Variants in ALG9 observed in about 807,000 individuals in gnomAD.
ALG9 encodes alpha-1,2-mannosyltransferase ALG9.
A neutral mutation model predicts 81.8 loss-of-function variants in ALG9; 55 were observed. The observed-to-expected ratio is 0.67, with a 90% confidence interval of 0.54 to 0.84. The LOEUF is 0.84. ALG9 is among the 40% of genes least tolerant of loss of function. ALG9 has a pLI of 0.00. For synonymous variants in ALG9, 278 were observed against 274.3 expected, an observed-to-expected ratio of 1.01 and a Z score of -0.13; for missense variants, 629 against 745.0, an observed-to-expected ratio of 0.84 and a Z score of 1.81.
At chr11:111,849,548 G>A (rs1555135009) in intron 8 of ALG9, 1 of 152,204 alleles carries the variant, frequency 6.6e-6, no homozygotes, top group East Asian at 1.9e-4. Flanking sequence ...CTTGAGCCAT[G>A]GTGGTTTGCT....
the ALG9 span, among the ~76,000 whole-genome samples, chr11:111,774,069 TAAAAAAAAAAAAA>T: frequency 1.4e-5 from 1 of 69,734 alleles, no homozygotes; most frequent in Non-Finnish European, 2.6e-5. Flanking sequence ...CATATCTTAT[TAAAAAAAAAAAAA>T]AAAAAAAAAA....
rs189606273 is a variant in ALG9, at chr11:111,803,729, A to G, written c.1733+5914T>C. Among the ~76,000 whole-genome samples the G allele has an allele frequency of 2.4e-3, 369 of 152,274 alleles. 1 individual carries two copies. The highest frequency in any genetic ancestry group is 8.5e-3 in the African/African-American group (354 of 41,542). Reference sequence around the variant, plus strand: ...CAATAAAAAACAGTCTTTTCAACAAACGGTGCTGGAACAACCATGCATCCT... The same window carrying G: ...CAATAAAAAACAGTCTTTTCAACAAGCGGTGCTGGAACAACCATGCATCCT... On this transcript the variant is annotated intron_variant, in intron 14 of 14. Transcript: ENST00000616540.
downstream of ALG9, among the ~76,000 whole-genome samples, chr11:111,777,911 T>G (rs1945741677): frequency 6.6e-6 from 1 of 152,086 alleles, no homozygotes; most frequent in East Asian, 1.9e-4. Flanking sequence ...TCACGTCATT[T>G]CTCCCCAAAT....
chr11:111,787,590 G>C (rs1410982115), intron 14 of ALG9, among the ~76,000 whole-genome samples: 1 of 151,486 alleles, frequency 6.6e-6, no homozygotes, highest in Non-Finnish European at 1.5e-5. Flanking sequence ...CTGAGTAGCT[G>C]GGATTACAGG....
At chr11:111,800,616 T>A (rs1555079633) in intron 14 of ALG9, among the ~76,000 whole-genome samples, 1 of 151,804 alleles carries the variant, frequency 6.6e-6, no homozygotes, top group East Asian at 1.9e-4. Context: ...AAACTCCAGG[T>A]GTCTCCCCAC....
chr11:111,793,565 T>G lies in ALG9; in HGVS notation c.1734-7045A>C, dbSNP rs1245213892. On this transcript the variant is annotated intron_variant, in intron 14 of 14. Transcript: ENST00000616540. Reference sequence around the variant, plus strand: ...TCACAAGGTCAGGAGAGCAAGACCATCCTGGCTAACATGGTGAAACCCCTT... The same window carrying G: ...TCACAAGGTCAGGAGAGCAAGACCAGCCTGGCTAACATGGTGAAACCCCTT... Among the ~76,000 whole-genome samples the G allele has an allele frequency of 2.0e-5, 3 of 152,112 alleles. No individual in the cohort carries two copies. The South Asian group carries it at 6.2e-4, about 32-fold the overall frequency.
intron 4 of ALG9, chr11:111,864,281 A>G (rs964302480): frequency 8.8e-7 from 1 of 1,134,866 alleles, no homozygotes; most frequent in Non-Finnish European, 1.3e-6. Flanking sequence ...CGTTGCCGCT[A>G]TGAAGAAAGT....
At chr11:111,851,204 C>T (rs782419887) in intron 8 of ALG9, among the ~76,000 whole-genome samples, 5 of 152,112 alleles carry the variant, frequency 3.3e-5, no homozygotes, top group African/African-American at 4.8e-5. Flanking sequence ...CATCCCTGGG[C>T]GTGGTGGCTC....
chr11:111,804,148 A>G (rs1175946374), intron 14 of ALG9, among the ~76,000 whole-genome samples: 23 of 151,474 alleles, frequency 1.5e-4, no homozygotes, highest in Admixed American at 9.2e-4. Flanking sequence ...AAAAAAAAAA[A>G]AAAGAAACAA....
chr11:111,782,013 C>T (rs1945976503), downstream of ALG9, among the ~76,000 whole-genome samples: 1 of 152,124 alleles, frequency 6.6e-6, no homozygotes, highest in Non-Finnish European at 1.5e-5. Context: ...ACTGGGTTTC[C>T]CAAAGTCTTC....
chr11:111,870,258 C>G lies in ALG9; in HGVS notation c.244G>C (p.Asp82His). 6.2e-7 allele frequency: 1 copy of G among 1,610,488 alleles called. No homozygotes were observed. The highest frequency in any genetic ancestry group is 8.5e-7 in the Non-Finnish European group (1 of 1,178,962). Reference sequence around the variant, plus strand: ...GGCTCCCAGTAGTTGAATGTTTCATCACAGTCAGAGATGTTGCTCAGGAGA... The same window carrying G: ...GGCTCCCAGTAGTTGAATGTTTCATGACAGTCAGAGATGTTGCTCAGGAGA... ...AALLSNISDC[D>H]ETFNYWEPTH... Residue 82 changes from aspartate to histidine, a missense_variant, in exon 2 of 15, where the codon GAT becomes CAT. Around this residue, in one of 3 missense-constraint regions of ALG9, gnomAD observed 344 missense variants for 390.5 expected, o/e 0.88. Coordinates refer to ENST00000616540, the MANE Select transcript of ALG9 (RefSeq NM_024740.2).
intron 13 of ALG9, among the ~76,000 whole-genome samples, chr11:111,823,835 G>A (rs1312591158): frequency 6.6e-6 from 1 of 152,170 alleles, no homozygotes; most frequent in African/African-American, 2.4e-5. Context: ...ATCAATTGTG[G>A]CACTCTTCCA....
intron 14 of ALG9, among the ~76,000 whole-genome samples, chr11:111,787,148 C>T (rs1555065470): frequency 1.3e-5 from 2 of 152,118 alleles, no homozygotes; most frequent in African/African-American, 2.4e-5. Context: ...AATATATTAT[C>T]GGCCGGGTGC....
intron 14 of ALG9, among the ~76,000 whole-genome samples, chr11:111,787,592 G>A (rs1946666601): frequency 6.6e-6 from 1 of 151,398 alleles, no homozygotes; most frequent in Non-Finnish European, 1.5e-5. Flanking sequence ...GAGTAGCTGG[G>A]ATTACAGGCA....
intron 9 of ALG9, among the ~76,000 whole-genome samples, chr11:111,843,256 TTCGAAAGAAAAAAAGTAAGATGGGGG>T (rs1956489243): frequency 6.6e-6 from 1 of 152,164 alleles, no homozygotes; most frequent in African/African-American, 2.4e-5. Flanking sequence ...TAAAGAAATC[TTCGAAAGAAAAAAAGTAAGATGGGGG>T]TCTTCTTAAA....
intron 4 of ALG9, chr11:111,864,192 A>G (rs1230640508): frequency 1.7e-6 from 1 of 603,742 alleles, no homozygotes; most frequent in Non-Finnish European, 3.1e-6. Context: ...AGAAGTTTTC[A>G]GTCAGGCCCC....
intron 2 of ALG9, among the ~76,000 whole-genome samples, chr11:111,869,616 T>C (rs1207331020): frequency 6.6e-6 from 1 of 152,138 alleles, no homozygotes; most frequent in African/African-American, 2.4e-5. Flanking sequence ...AAATTACAAA[T>C]TACACCTTTG....
intron 8 of ALG9, among the ~76,000 whole-genome samples, chr11:111,850,796 A>T (rs1176876327): frequency 1.3e-5 from 2 of 152,028 alleles, no homozygotes; most frequent in African/African-American, 4.8e-5. Flanking sequence ...CCATCAAGGA[A>T]CAACTGCCTA....
chr11:111,852,491 G>A (rs536888450), intron 8 of ALG9, among the ~76,000 whole-genome samples: 3 of 152,190 alleles, frequency 2.0e-5, no homozygotes, highest in South Asian at 4.1e-4. Context: ...ACCCTAAGCT[G>A]GTCAACTTCC....
Sources: allele counts gnomAD v4.1 joint callset (sites outside exome capture counted in the v4.1 genomes callset), GRCh38; gene constraint gnomAD v4.1.1; regional missense constraint gnomAD v4.1.1; transcripts MANE v1.5; gene names NCBI Gene and HGNC (gene_info 2026-07-23, HGNC 2026-07-21).